Variants in GPC5 observed in about 807,000 individuals in gnomAD.
GPC5 encodes glypican 5.
GPC5 carries 47 observed loss-of-function variants against 53.9 expected under a neutral mutation model. The observed-to-expected ratio is 0.87, with a 90% confidence interval of 0.69 to 1.11. GPC5 has a LOEUF of 1.11. Ranked by LOEUF, GPC5 falls within the 50% of genes most tolerant of loss-of-function variation. The probability of loss-of-function intolerance (pLI) is 0.00; values close to 1 mark genes in which losing one functional copy is unlikely to be tolerated. For missense variants in GPC5, 748 were observed against 713.1 expected (o/e 1.05, Z -0.56); for synonymous variants, 286 against 263.3 (o/e 1.09, Z -0.84).
chr13:92,097,597 A>G (rs1244839866), intron 6 of GPC5, among the ~76,000 whole-genome samples: 1 of 152,244 alleles, frequency 6.6e-6, no homozygotes, highest in African/African-American at 2.4e-5. Context: ...TATGTAAGAA[A>G]TATCTGTGGA....
chr13:92,178,598 A>G (rs1043416654), intron 7 of GPC5, among the ~76,000 whole-genome samples: 3 of 152,036 alleles, frequency 2.0e-5, no homozygotes, highest in Non-Finnish European at 2.9e-5. Context: ...AACAGTTGCT[A>G]ATTCCTTACA....
intron 6 of GPC5, among the ~76,000 whole-genome samples, chr13:92,025,914 T>G (rs751322719): frequency 5.3e-5 from 8 of 152,186 alleles, no homozygotes. Flanking sequence ...GTGAATGTCT[T>G]GATTCTTGGG....
chr13:91,958,748 T>G (rs897363593), intron 6 of GPC5, among the ~76,000 whole-genome samples: 16 of 151,896 alleles, frequency 1.1e-4, no homozygotes, highest in African/African-American at 3.9e-4. Context: ...TACAAATACA[T>G]GGAAATTAAA....
chr13:91,582,370 A>T (rs575669567), intron 2 of GPC5, among the ~76,000 whole-genome samples: 1 of 152,328 alleles, frequency 6.6e-6, no homozygotes, highest in African/African-American at 2.4e-5. Flanking sequence ...GCTTCAAGTT[A>T]TCTCTTTAAT....
chr13:92,522,672 A>C (rs1191568915), intron 7 of GPC5, among the ~76,000 whole-genome samples: 1 of 152,086 alleles, frequency 6.6e-6, no homozygotes, highest in Non-Finnish European at 1.5e-5. Flanking sequence ...AATGTAAGTG[A>C]TGAGTTAATG....
At position 92,394,567 on chromosome 13, in the gene GPC5, C is replaced by T. The variant is rs114725223; in HGVS notation, c.1561+249578C>T. On this transcript the variant is annotated intron_variant, in intron 7 of 7. Coordinates refer to ENST00000377067, the MANE Select transcript of GPC5 (RefSeq NM_004466.6). ...GGAACCCTGATCTCAGACCCCCAGC[C>T]TCTAGAACTATGAAAAATTAATTTC... Among the ~76,000 whole-genome samples the T allele has an allele frequency of 2.4e-3, 369 of 152,288 alleles. 3 individuals carry two copies. The highest frequency in any genetic ancestry group is 8.3e-3 in the African/African-American group (346 of 41,570).
At chr13:92,703,682 G>T (rs1034558784) in intron 7 of GPC5, among the ~76,000 whole-genome samples, 2 of 150,374 alleles carry the variant, frequency 1.3e-5, no homozygotes. Context: ...TATTCATAAA[G>T]AATATAAATA....
intron 5 of GPC5, among the ~76,000 whole-genome samples, chr13:91,787,660 C>T (rs964805743): frequency 6.6e-6 from 1 of 152,130 alleles, no homozygotes; most frequent in Non-Finnish European, 1.5e-5. Context: ...ATGGTTTACA[C>T]ATATTGGCAT....
chr13:92,151,534 C>T (rs2041907531), intron 7 of GPC5, among the ~76,000 whole-genome samples: 1 of 152,032 alleles, frequency 6.6e-6, no homozygotes, highest in South Asian at 2.1e-4. Context: ...ACACTTAGGC[C>T]AGTAATGGTG....
chr13:91,988,280 C>T (rs1192177524), intron 6 of GPC5, among the ~76,000 whole-genome samples: 1 of 152,042 alleles, frequency 6.6e-6, no homozygotes, highest in East Asian at 1.9e-4. Flanking sequence ...TTATGAATAT[C>T]CTTGTATATG....
chr13:92,815,069 G>A (rs527613922), intron 7 of GPC5, among the ~76,000 whole-genome samples: 1 of 152,032 alleles, frequency 6.6e-6, no homozygotes, highest in African/African-American at 2.4e-5. Context: ...GTGATTCTAG[G>A]TTCTGGGGAT....
At position 92,759,901 on chromosome 13, in the gene GPC5, C is replaced by T. The variant is rs79322775; in HGVS notation, c.1562-106381C>T. Reference sequence around the variant, plus strand: ...TGAGAAACTTTCCTTTACACCTAAACAGTTAAGAGTTTTTATCAAGAAAGG... The same window carrying T: ...TGAGAAACTTTCCTTTACACCTAAATAGTTAAGAGTTTTTATCAAGAAAGG... On this transcript the variant is annotated intron_variant, in intron 7 of 7. Coordinates refer to ENST00000377067, the MANE Select transcript of GPC5 (RefSeq NM_004466.6). 4.1e-3 allele frequency among the ~76,000 whole-genome samples: 616 copies of T among 152,086 alleles called. 10 individuals carry two copies. The East Asian group carries it at 0.044, about 11-fold the overall frequency.
intron 2 of GPC5, among the ~76,000 whole-genome samples, chr13:91,521,757 C>T (rs1885829372): frequency 6.6e-6 from 1 of 152,212 alleles, no homozygotes; most frequent in Non-Finnish European, 1.5e-5. Flanking sequence ...CTGACACCAT[C>T]TACCTAAAGA....
At chr13:92,683,208 A>C (rs1435884609) in intron 7 of GPC5, among the ~76,000 whole-genome samples, 1 of 152,184 alleles carries the variant, frequency 6.6e-6, no homozygotes, top group African/African-American at 2.4e-5. Flanking sequence ...AAAAAGAAAA[A>C]ATGATTTAGA....
At chr13:91,957,694 T>A (rs2040086684) in intron 6 of GPC5, among the ~76,000 whole-genome samples, 1 of 152,008 alleles carries the variant, frequency 6.6e-6, no homozygotes, top group Non-Finnish European at 1.5e-5. Flanking sequence ...TACAGCAAAG[T>A]TATCCTTTAT....
At chr13:92,357,870 G>A (rs2043535223) in intron 7 of GPC5, among the ~76,000 whole-genome samples, 1 of 136,008 alleles carries the variant, frequency 7.4e-6, no homozygotes, top group Non-Finnish European at 1.6e-5. Context: ...TTTGACATGA[G>A]ATATGGGGGG....
chr13:92,495,353 A>G (rs1175592688), intron 7 of GPC5, among the ~76,000 whole-genome samples: 4 of 152,154 alleles, frequency 2.6e-5, no homozygotes, highest in East Asian at 1.9e-4. Flanking sequence ...TTCAATTACA[A>G]TGATGTCTTT....
At chr13:92,613,401 A>G (rs1286109285) in intron 7 of GPC5, among the ~76,000 whole-genome samples, 2 of 85,294 alleles carry the variant, frequency 2.3e-5, no homozygotes, top group South Asian at 3.7e-4. Flanking sequence ...ATAAATATAT[A>G]TTATATTATA....
chr13:91,961,883 T>C (rs1566365474), intron 6 of GPC5, among the ~76,000 whole-genome samples: 1 of 152,140 alleles, frequency 6.6e-6, no homozygotes, highest in African/African-American at 2.4e-5. Flanking sequence ...TCCTCTGATA[T>C]GCAAGTTATA....
Sources: gnomAD v4.1 joint callset for allele counts (sites outside exome capture counted in the v4.1 genomes callset) on GRCh38, gnomAD v4.1.1 for gene constraint, MANE v1.5 for transcripts, NCBI Gene and HGNC (gene_info 2026-07-23, HGNC 2026-07-21) for gene names.